Variants in RNGTT observed in about 807,000 individuals in gnomAD.
RNGTT encodes the protein mRNA-capping enzyme.
A neutral mutation model predicts 79.3 loss-of-function variants in RNGTT; 33 were observed. The observed-to-expected ratio is 0.42, with a 90% CI of 0.32 to 0.56. The LOEUF is 0.56. Ranked by LOEUF, RNGTT falls within the 20% of genes least tolerant of loss-of-function variation. The probability of loss-of-function intolerance (pLI) is 0.17; values close to 1 mark genes in which losing one functional copy is unlikely to be tolerated. For synonymous variants in RNGTT, 222 were observed against 235.9 expected (o/e 0.94, Z 0.54); for missense variants, 497 against 739.1 (o/e 0.67, Z 3.80).
intron 14 of RNGTT, among the ~76,000 whole-genome samples, chr6:88,656,333 T>TA (rs1773976652): frequency 1.3e-5 from 2 of 152,214 alleles, no homozygotes; most frequent in South Asian, 4.1e-4. Context: ...GTGGATATGT[T>TA]AAGCATGTCC....
chr6:88,904,540 C>A (rs1582113045), intron 6 of RNGTT, among the ~76,000 whole-genome samples, 175 bp downstream of exon 6: 1 of 150,250 alleles, frequency 6.7e-6, no homozygotes, highest in Admixed American at 6.6e-5. Flanking sequence ...CCAGCCTGGG[C>A]AACAGAGCAA....
intron 1 of RNGTT, among the ~76,000 whole-genome samples, chr6:88,944,529 A>G (rs545194134): frequency 9.5e-4 from 145 of 151,998 alleles, no homozygotes; most frequent in Non-Finnish European, 1.6e-3. Flanking sequence ...AGGGCCACCA[A>G]TCAATCCTTT....
intron 8 of RNGTT, among the ~76,000 whole-genome samples, chr6:88,879,351 G>T (rs1444143875): frequency 6.6e-6 from 1 of 152,150 alleles, no homozygotes; most frequent in Non-Finnish European, 1.5e-5. Flanking sequence ...CTGAGACCAC[G>T]CCATTGCACT....
At chr6:88,781,561 T>C (rs2127849305) in intron 12 of RNGTT, among the ~76,000 whole-genome samples, 1 of 151,044 alleles carries the variant, frequency 6.6e-6, no homozygotes, top group East Asian at 1.9e-4. Flanking sequence ...TTATTTGTCT[T>C]TTCACTGTTA....
intron 2 of RNGTT, among the ~76,000 whole-genome samples, chr6:88,940,334 A>G (rs1784807941): frequency 6.6e-6 from 1 of 151,736 alleles, no homozygotes; most frequent in African/African-American, 2.4e-5. Context: ...CTGCCTCAGC[A>G]TCCCAAAGTG....
intron 2 of RNGTT, among the ~76,000 whole-genome samples, chr6:88,930,171 C>CATATATACAT (rs1317227436): frequency 1.4e-5 from 2 of 146,806 alleles, no homozygotes; most frequent in African/African-American, 5.0e-5. Context: ...TATACATATA[C>CATATATACAT]ATATATGTAT....
intron 13 of RNGTT, among the ~76,000 whole-genome samples, chr6:88,697,060 A>G (rs1775701051): frequency 6.6e-6 from 1 of 152,188 alleles, no homozygotes; most frequent in Non-Finnish European, 1.5e-5. Flanking sequence ...ATTCCACATT[A>G]AAAAGAATTA....
chr6:88,786,260 T>G (rs1466885940), intron 12 of RNGTT, among the ~76,000 whole-genome samples: 1 of 152,116 alleles, frequency 6.6e-6, no homozygotes, highest in African/African-American at 2.4e-5. Context: ...GGTTAAAAAT[T>G]AATGTTATTT....
chr6:88,736,565 G>A (rs1251263845), intron 13 of RNGTT, among the ~76,000 whole-genome samples: 2 of 152,122 alleles, frequency 1.3e-5, no homozygotes, highest in African/African-American at 4.8e-5. Flanking sequence ...ACTCCTTATG[G>A]CTTATAGTAA....
intron 8 of RNGTT, among the ~76,000 whole-genome samples, chr6:88,889,578 C>T (rs1782976138): frequency 6.6e-6 from 1 of 151,510 alleles, no homozygotes; most frequent in Admixed American, 6.6e-5. Flanking sequence ...CCAGTTATTC[C>T]AAAACATTTT....
At chr6:88,619,322 C>A (rs904353805) in intron 14 of RNGTT, among the ~76,000 whole-genome samples, 1 of 152,124 alleles carries the variant, frequency 6.6e-6, no homozygotes, top group Non-Finnish European at 1.5e-5. Flanking sequence ...TGCACTACCA[C>A]ACCTGGCTAA....
At chr6:88,684,362 C>T (rs571117885) in intron 13 of RNGTT, among the ~76,000 whole-genome samples, 2 of 152,178 alleles carry the variant, frequency 1.3e-5, no homozygotes, top group South Asian at 4.2e-4. Flanking sequence ...ACCACATGAC[C>T]CAATAATCAT....
chr6:88,708,935 A>G (rs563476971), intron 13 of RNGTT, among the ~76,000 whole-genome samples: 2 of 152,202 alleles, frequency 1.3e-5, no homozygotes, highest in South Asian at 2.1e-4. Flanking sequence ...CGAAACACAT[A>G]GTATTATTCA....
In RNGTT at chr6:88,662,731, T is replaced by C. The variant is rs193066247; in HGVS notation, c.1506+15622A>G. ...AGCAAAGCAGATCCTGGGAGCACTC[T>C]CGCGTAGGCAATTGCCCTGGTCAAA... On this transcript the variant is annotated intron_variant, in intron 14 of 15. Transcript: ENST00000369485. 1.9e-3 allele frequency among the ~76,000 whole-genome samples: 289 copies of C among 152,330 alleles called. 4 individuals are homozygous for C. Among genetic ancestry groups the C allele is most frequent in the African/African-American group, 6.8e-3 (283 of 41,582 alleles).
At chr6:88,790,396 G>A (rs1779368637) in intron 12 of RNGTT, among the ~76,000 whole-genome samples, 1 of 152,192 alleles carries the variant, frequency 6.6e-6, no homozygotes, top group Non-Finnish European at 1.5e-5. Context: ...TTTATTCTGT[G>A]AAAAAGCTGA....
At chr6:88,740,275 T>TG (rs950961216) in intron 13 of RNGTT, among the ~76,000 whole-genome samples, 2 of 151,846 alleles carry the variant, frequency 1.3e-5, no homozygotes, top group Admixed American at 6.6e-5. Context: ...CCTAGCACTT[T>TG]GGGGGGGCCG....
chr6:88,753,598 T>G (rs185172956), intron 13 of RNGTT, among the ~76,000 whole-genome samples: 40 of 152,084 alleles, frequency 2.6e-4, no homozygotes, highest in African/African-American at 9.2e-4. Context: ...CAATACCAAT[T>G]CCAATTAAAA....
At chr6:88,654,335 A>G (rs1773900564) in intron 14 of RNGTT, among the ~76,000 whole-genome samples, 1 of 152,214 alleles carries the variant, frequency 6.6e-6, no homozygotes, top group South Asian at 2.1e-4. Flanking sequence ...TTCAACGACT[A>G]TGTCACACAG....
chr6:88,916,876 G>A (rs1784016750), intron 4 of RNGTT, among the ~76,000 whole-genome samples: 1 of 152,274 alleles, frequency 6.6e-6, no homozygotes, highest in East Asian at 1.9e-4. Context: ...TTTATCTACT[G>A]TTCTTTGTGT....
Sources: allele counts gnomAD v4.1 joint callset (sites outside exome capture counted in the v4.1 genomes callset), GRCh38; gene constraint gnomAD v4.1.1; transcripts MANE v1.5; gene names NCBI Gene and HGNC (gene_info 2026-07-23, HGNC 2026-07-21).